DAB1: variants seen among roughly 807,000 people sequenced by gnomAD.
DAB1 encodes the protein DAB adaptor protein 1, also known as disabled homolog 1.
In DAB1, 15 loss-of-function variants were observed where a neutral mutation model predicts 64.6. That is an observed-to-expected ratio of 0.23 (90% CI 0.16 to 0.36). The LOEUF is 0.36. Among genes scored for constraint, DAB1 ranks in the 10% least tolerant of loss-of-function variants. The pLI, the probability that DAB1 is intolerant of heterozygous loss-of-function variation, is 1.00. For missense variants in DAB1, 596 were observed against 706.7 expected, an observed-to-expected ratio of 0.84 and a Z score of 1.78; for synonymous variants, 235 against 251.9, an observed-to-expected ratio of 0.93 and a Z score of 0.64.
At chr1:58,520,492 C>A (rs1359563638) in intron 2 of DAB1, among the ~76,000 whole-genome samples, 1 of 152,032 alleles carries the variant, frequency 6.6e-6, no homozygotes, top group African/African-American at 2.4e-5. Flanking sequence ...TAAATAATTA[C>A]AAATAAGAAA....
chr1:58,501,512 C>A (rs981579672), intron 3 of DAB1, among the ~76,000 whole-genome samples: 1 of 152,186 alleles, frequency 6.6e-6, no homozygotes, highest in African/African-American at 2.4e-5. Flanking sequence ...ACGCCCTCCC[C>A]CTTCCCTTGC....
intron 2 of DAB1, among the ~76,000 whole-genome samples, chr1:57,186,293 T>G (rs1462027046): frequency 6.6e-6 from 1 of 152,100 alleles, no homozygotes; most frequent in Non-Finnish European, 1.5e-5. Context: ...AAAAACCAAC[T>G]CACAAAAACC....
intron 9 of DAB1, among the ~76,000 whole-genome samples, chr1:57,062,551 G>T (rs1650506328): frequency 6.6e-6 from 1 of 152,184 alleles, no homozygotes; most frequent in Non-Finnish European, 1.5e-5. Context: ...TGTGTTAGAA[G>T]AATTACTTCT....
intron 5 of DAB1, among the ~76,000 whole-genome samples, chr1:58,113,358 T>G (rs1299686990): frequency 6.6e-6 from 1 of 152,174 alleles, no homozygotes; most frequent in Non-Finnish European, 1.5e-5. Flanking sequence ...TGGCTCGTGA[T>G]GCCCAGGTGA....
chr1:57,792,364 T>C (rs1650642785), intron 6 of DAB1, among the ~76,000 whole-genome samples: 1 of 152,256 alleles, frequency 6.6e-6, no homozygotes, highest in Admixed American at 6.5e-5. Context: ...CAGGCTGACA[T>C]TCTAGGCATA....
At chr1:58,450,550 C>G (rs566701203) in intron 3 of DAB1, among the ~76,000 whole-genome samples, 1 of 152,080 alleles carries the variant, frequency 6.6e-6, no homozygotes, top group Non-Finnish European at 1.5e-5. Context: ...GTCAGGTGAT[C>G]GAGACCATCC....
At chr1:58,288,686 A>G (rs935198621) in intron 4 of DAB1, among the ~76,000 whole-genome samples, 45 of 152,210 alleles carry the variant, frequency 3.0e-4, no homozygotes, top group African/African-American at 1.1e-3. Context: ...TATTATTTTA[A>G]GTTCATAAGC....
rs2101854377 is a variant in DAB1, at chr1:57,788,356, T to C, written n.551+95643A>G. Among the ~76,000 whole-genome samples the C allele has an allele frequency of 2.0e-5, 3 of 152,330 alleles. No individual in the cohort carries two copies. In the South Asian group the frequency reaches 6.2e-4, roughly 32 times the overall value. ...CCACCCAGCAATAAACAGGATTGTA[T>C]GAGTGATACTTGCAGCAACAACATG... On this transcript the variant is annotated intron_variant and non_coding_transcript_variant, in intron 6 of 20. Coordinates refer to the DAB1 transcript ENST00000485760.
intron 1 of DAB1, among the ~76,000 whole-genome samples, chr1:57,417,870 C>T (rs1470129250): frequency 6.6e-6 from 1 of 152,158 alleles, no homozygotes; most frequent in Non-Finnish European, 1.5e-5. Flanking sequence ...TGACTTTGTC[C>T]ATGAAGTCCT....
chr1:57,018,336 A>C (rs1353745985), intron 11 of DAB1, among the ~76,000 whole-genome samples: 4 of 152,176 alleles, frequency 2.6e-5, no homozygotes, highest in African/African-American at 7.2e-5. Flanking sequence ...GGCTTTCAGT[A>C]GTGATTCTAC....
At chr1:57,694,225 T>C (rs1002507286) in intron 6 of DAB1, among the ~76,000 whole-genome samples, 1 of 152,174 alleles carries the variant, frequency 6.6e-6, no homozygotes, top group Non-Finnish European at 1.5e-5. Context: ...GACTTAGTCA[T>C]GGTTGCAGTA....
intron 6 of DAB1, among the ~76,000 whole-genome samples, chr1:57,654,261 G>C (rs1295156129): frequency 1.3e-5 from 2 of 152,160 alleles, no homozygotes; most frequent in African/African-American, 4.8e-5. Flanking sequence ...TAGTATGTCA[G>C]ATGGTCACAT....
At chr1:57,026,098 C>T (rs1646777949) in intron 9 of DAB1, 55 bp from the exon 10 acceptor site, 2 of 1,327,516 alleles carry the variant, frequency 1.5e-6, no homozygotes, top group Admixed American at 1.8e-5. Context: ...TGCTGCTGGG[C>T]CCTGCTTTAC....
intron 6 of DAB1, among the ~76,000 whole-genome samples, chr1:57,804,138 C>A (rs1651255737): frequency 6.6e-6 from 1 of 152,172 alleles, no homozygotes; most frequent in Non-Finnish European, 1.5e-5. Flanking sequence ...GTATTACAGA[C>A]ATTCCCCCTT....
intron 6 of DAB1, among the ~76,000 whole-genome samples, chr1:57,659,636 A>G (rs4497237): frequency 0.8 from 121,627 of 151,946 alleles, 48,911 homozygotes; most frequent in Non-Finnish European, 0.84. Context: ...GACTATTACT[A>G]AGGTTTCCCC....
At chr1:57,929,241 G>C (rs1188538811) in intron 5 of DAB1, among the ~76,000 whole-genome samples, 1 of 152,174 alleles carries the variant, frequency 6.6e-6, no homozygotes, top group Non-Finnish European at 1.5e-5. Context: ...CTTCTTTGGT[G>C]AGATGTATGT....
intron 6 of DAB1, among the ~76,000 whole-genome samples, chr1:57,778,663 T>G (rs1417219651): frequency 6.6e-6 from 1 of 152,138 alleles, no homozygotes; most frequent in African/African-American, 2.4e-5. Context: ...AGAGTTCTAG[T>G]TCTTCCATTC....
chr1:57,781,118 CTCTCTCTCTATATATA>C (rs1309420646), intron 6 of DAB1, among the ~76,000 whole-genome samples: 7 of 54,552 alleles, frequency 1.3e-4, no homozygotes, highest in South Asian at 7.3e-4. Context: ...CTCTCTCTCT[CTCTCTCTCTATATATA>C]TATATATATA....
chr1:57,250,373 G>T (rs1342116542), intron 2 of DAB1, among the ~76,000 whole-genome samples: 1 of 152,140 alleles, frequency 6.6e-6, no homozygotes, highest in Non-Finnish European at 1.5e-5. Context: ...TAATTATTGA[G>T]GAATAAAATA....
Sources: allele counts gnomAD v4.1 joint callset (sites outside exome capture counted in the v4.1 genomes callset), GRCh38; gene constraint gnomAD v4.1.1; transcripts MANE v1.5; gene names NCBI Gene and HGNC (gene_info 2026-07-23, HGNC 2026-07-21).